WDR33: variants seen among roughly 807,000 people sequenced by gnomAD.
WDR33 encodes the protein WD repeat domain 33.
In WDR33, 47 loss-of-function variants were observed where a neutral mutation model predicts 164.9. The ratio of observed to expected loss-of-function variants is 0.29; its 90% CI spans 0.23 to 0.36. The LOEUF (loss-of-function observed/expected upper bound fraction) is 0.36. Ranked by LOEUF, WDR33 falls within the 10% of genes least tolerant of loss-of-function variation. The pLI, the probability that WDR33 is intolerant of heterozygous loss-of-function variation, is 1.00. For synonymous variants in WDR33, 505 were observed against 589.0 expected, an observed-to-expected ratio of 0.86 and a Z score of 2.06; for missense variants, 1,137 against 1,754.1, an observed-to-expected ratio of 0.65 and a Z score of 6.28.
In WDR33 at chr2:127,717,337, A is replaced by G; in HGVS notation, c.2761-74T>C. On this transcript the variant is annotated intron_variant, in intron 16 of 21. Coordinates refer to ENST00000322313, the MANE Select transcript of WDR33 (RefSeq NM_018383.5). This position sits in a 1 kb window ranked among gnomAD's most constrained non-coding sequence, Gnocchi z 5.6. Reference sequence around the variant, plus strand: ...ACATAAATAGTGATTGCATTATAACATGACAAGATAAAAATACCCAGTAAA... The same window carrying G: ...ACATAAATAGTGATTGCATTATAACGTGACAAGATAAAAATACCCAGTAAA... 2 of 1,249,954 alleles carry G rather than the reference A, an allele frequency of 1.6e-6. No homozygotes were observed. The highest frequency in any genetic ancestry group is 2.2e-6 in the Non-Finnish European group (2 of 929,586). The allele number at this position is 1,249,954 out of a possible 1,614,324, so 77.4% of individuals were successfully genotyped here.
intron 7 of WDR33, among the ~76,000 whole-genome samples, chr2:127,760,775 A>AT (rs770747027): frequency 1.3e-5 from 2 of 152,174 alleles, no homozygotes; most frequent in African/African-American, 4.8e-5. Flanking sequence ...AGTAAGTAGA[A>AT]TTTTTTTAAA....
chr2:127,788,535 T>A (rs1290867752), intron 1 of WDR33, among the ~76,000 whole-genome samples: 1 of 56,040 alleles, frequency 1.8e-5, no homozygotes, highest in South Asian at 7.2e-4. Context: ...GACCCCCCCA[T>A]CTCCCTCCCG....
At position 127,709,859 on chromosome 2, in the gene WDR33, G is replaced by A. The variant is rs75236210; in HGVS notation, c.3309-3C>T. ...TCGGCGGGGCTCCTCTTCTGAAACT[G>A]TAAAGAGAAAACAGCAGAATGTCCA... On this transcript the variant is annotated splice_polypyrimidine_tract_variant and splice_region_variant and intron_variant, in intron 18 of 21. Coordinates refer to ENST00000322313, the MANE Select transcript of WDR33 (RefSeq NM_018383.5). This position sits in a 1 kb window ranked among gnomAD's most constrained non-coding sequence, Gnocchi z 5.0. 3.1e-3 allele frequency: 5,012 copies of A among 1,613,354 alleles called. 115 individuals are homozygous for A. In the African/African-American group the frequency reaches 0.051, roughly 16 times the overall value.
intron 1 of WDR33, among the ~76,000 whole-genome samples, chr2:127,786,674 A>C (rs1333594314): frequency 6.6e-6 from 1 of 151,998 alleles, no homozygotes; most frequent in East Asian, 1.9e-4. Context: ...AAACAGCAAG[A>C]CTCTGTCTCA....
Position 127,719,874 on chromosome 2 carries a change from T to C in WDR33, c.2151A>G (p.Ile717Met). Residue 717 changes from isoleucine (I) to methionine (M), a missense_variant, in exon 16 of 22, where the codon ATA becomes ATG. Physicochemically the swap from Ile to Met is conservative, Grantham distance 10. Transcript: ENST00000322313. This position sits in a 1 kb window ranked among gnomAD's most constrained non-coding sequence, Gnocchi z 6.5. ...GAGGGCCAGGCGGGCCTTGGGGGCC[T>C]ATGTGACCCTGTGGGCCAGGTGGAC... ...PQGPPGPQGH[I>M]GPQGPPGPQG... 6.2e-7 allele frequency: 1 copy of C among 1,613,616 alleles called. No individual in the cohort carries two copies. Among genetic ancestry groups the C allele is most frequent in the Non-Finnish European group, 8.5e-7 (1 of 1,179,912 alleles).
intron 1 of WDR33, among the ~76,000 whole-genome samples, chr2:127,776,651 T>A (rs1040511225): frequency 6.6e-6 from 1 of 152,128 alleles, no homozygotes; most frequent in Non-Finnish European, 1.5e-5. Context: ...TGAACCAATG[T>A]TGCACCACTG....
intron 7 of WDR33, among the ~76,000 whole-genome samples, chr2:127,728,012 A>T (rs1686612812): frequency 6.6e-6 from 1 of 152,242 alleles, no homozygotes; most frequent in South Asian, 2.1e-4. Flanking sequence ...ACTGGCAAGC[A>T]TGTAGGGAGG....
intron 1 of WDR33, among the ~76,000 whole-genome samples, chr2:127,800,462 GTC>G (rs374247210): frequency 1.3e-4 from 20 of 152,030 alleles, no homozygotes; most frequent in African/African-American, 4.8e-4. Flanking sequence ...GTGAAACCCC[GTC>G]TCTGTTAAAA....
intron 1 of WDR33, among the ~76,000 whole-genome samples, chr2:127,803,446 T>A (rs1689321904): frequency 6.6e-6 from 1 of 152,080 alleles, no homozygotes; most frequent in Non-Finnish European, 1.5e-5. Flanking sequence ...CAGACGCCTG[T>A]AATCCTAGCT....
Position 127,721,415 on chromosome 2 carries a change from G to T in WDR33, c.1671+421C>A, listed in dbSNP as rs1021788272. On this transcript the variant is annotated intron_variant, in intron 15 of 21. Coordinates refer to ENST00000322313, the MANE Select transcript of WDR33 (RefSeq NM_018383.5). The surrounding 1 kb of genome is among the most constrained non-coding windows in gnomAD (Gnocchi z 4.9). ...AAGCCACCACGCCTGACCCTAATTG[G>T]GTTTTAAAAGTCCAAGATATGACTC... is the stretch of plus-strand genomic sequence containing the variant. Among the ~76,000 whole-genome samples, 17 of 152,076 alleles carry T rather than the reference G, an allele frequency of 1.1e-4. No individual in the cohort carries two copies. The highest frequency in any genetic ancestry group is 9.2e-4 in the Admixed American group (14 of 15,262).
At chr2:127,774,971 G>T (rs151041524) in intron 1 of WDR33, among the ~76,000 whole-genome samples, 3 of 152,136 alleles carry the variant, frequency 2.0e-5, no homozygotes, top group Non-Finnish European at 4.4e-5. Context: ...TGTTTGCCAC[G>T]GGCTGGGGAA....
rs988664206 is a variant in WDR33, at chr2:127,702,077, G to T, written c.*4246C>A. ...CGCAGGTGGCCGCGCTGCTGGCCGCGCTGGTTGGGCTGCTGCCCTGGGGCG... is the reference window on the plus strand; with the variant it reads ...CGCAGGTGGCCGCGCTGCTGGCCGCTCTGGTTGGGCTGCTGCCCTGGGGCG... On this transcript the variant is annotated 3_prime_UTR_variant, in exon 22 of 22. Transcript: ENST00000322313. The T allele has an allele frequency of 4.9e-6, 6 of 1,223,282 alleles. No homozygotes were observed. In the East Asian group the frequency reaches 2.1e-4, roughly 43 times the overall value. The allele number at this position is 1,223,282 out of a possible 1,614,324, so 75.8% of individuals were successfully genotyped here. A position where few individuals can be genotyped will look rare whatever the true frequency, so the allele number is the denominator to read the frequency against.
At chr2:127,730,714 C>T (rs1033189535) in intron 7 of WDR33, among the ~76,000 whole-genome samples, 5 of 152,072 alleles carry the variant, frequency 3.3e-5, no homozygotes, top group African/African-American at 1.2e-4. Flanking sequence ...ACATTTTGTA[C>T]ATTTTATACT....
intron 1 of WDR33, among the ~76,000 whole-genome samples, chr2:127,791,739 A>G (rs937678482): frequency 1.3e-5 from 2 of 152,092 alleles, no homozygotes; most frequent in Non-Finnish European, 2.9e-5. Flanking sequence ...ATAAAATTAT[A>G]TTTACCACTT....
chr2:127,726,860 A>C lies in WDR33; in HGVS notation c.725-83T>G. 6.4e-7 allele frequency: 1 copy of C among 1,553,672 alleles called. No homozygotes were observed. The highest frequency in any genetic ancestry group is 1.2e-5 in the South Asian group (1 of 84,254). On this transcript the variant is annotated intron_variant, in intron 7 of 21. Transcript: ENST00000322313. This position sits in a 1 kb window ranked among gnomAD's most constrained non-coding sequence, Gnocchi z 4.8. ...AAACCAAAGTAGAGAAACCTAGTAAATGTTTTGCTCTCAGTGCTCAGTCAA... is the reference window on the plus strand; with the variant it reads ...AAACCAAAGTAGAGAAACCTAGTAACTGTTTTGCTCTCAGTGCTCAGTCAA...
intron 1 of WDR33, among the ~76,000 whole-genome samples, chr2:127,798,367 C>CA (rs61568967): frequency 0.26 from 4,853 of 18,942 alleles, 1,427 homozygotes; most frequent in Non-Finnish European, 0.31. Flanking sequence ...GACACCGTCG[C>CA]AAAAAAAAAA....
chr2:127,788,305 C>T (rs1688684664), intron 1 of WDR33, among the ~76,000 whole-genome samples: 1 of 127,796 alleles, frequency 7.8e-6, no homozygotes, highest in Non-Finnish European at 1.7e-5. Flanking sequence ...GCTGACCCCC[C>T]CACCTCCCTC....
chr2:127,711,424 C>CAAAA (rs1197934586), intron 18 of WDR33, among the ~76,000 whole-genome samples: 25 of 53,766 alleles, frequency 4.6e-4, no homozygotes, highest in African/African-American at 1.5e-3. Context: ...GATTCCCTCT[C>CAAAA]AAAAAAAAAA....
chr2:127,778,263 C>A (rs1195882650), intron 1 of WDR33, among the ~76,000 whole-genome samples: 2 of 151,784 alleles, frequency 1.3e-5, no homozygotes, highest in Non-Finnish European at 2.9e-5. Context: ...ATGGCAAAAC[C>A]CCATCTCTAC....
Sources: gnomAD v4.1 joint callset for allele counts (sites outside exome capture counted in the v4.1 genomes callset) on GRCh38, gnomAD v4.1.1 for gene constraint, Gnocchi (gnomAD v3.1) non-coding constraint, MANE v1.5 for transcripts, NCBI Gene and HGNC (gene_info 2026-07-23, HGNC 2026-07-21) for gene names.